LINGO2: variants seen among roughly 807,000 people sequenced by gnomAD.
LINGO2 encodes leucine-rich repeat and immunoglobulin-like domain-containing nogo receptor-interacting protein 2.
A neutral mutation model predicts 30.6 loss-of-function variants in LINGO2; 14 were observed. The observed-to-expected ratio is 0.46, with a 90% CI of 0.30 to 0.72. The LOEUF (loss-of-function observed/expected upper bound fraction) is 0.72. Ranked by LOEUF, LINGO2 falls within the 30% of genes least tolerant of loss-of-function variation. The pLI, the probability that LINGO2 is intolerant of heterozygous loss-of-function variation, is 0.07. For missense variants in LINGO2, 729 were observed against 751.7 expected (o/e 0.97, Z 0.35); for synonymous variants, 317 against 288.5 (o/e 1.10, Z -1.00).
chr9:28,249,458 T>A (rs966593464), intron 4 of LINGO2, among the ~76,000 whole-genome samples: 1 of 152,138 alleles, frequency 6.6e-6, no homozygotes, highest in Non-Finnish European at 1.5e-5. Flanking sequence ...CAACAAGAAT[T>A]ATTGAAAACG....
chr9:28,838,917 C>T, the LINGO2 span, among the ~76,000 whole-genome samples: 16 of 152,300 alleles, frequency 1.1e-4, no homozygotes, highest in South Asian at 6.2e-4. Flanking sequence ...GCAGACACAC[C>T]GGCTGTGGCA....
intron 4 of LINGO2, among the ~76,000 whole-genome samples, chr9:28,216,442 T>A (rs1820770043): frequency 6.6e-6 from 1 of 151,908 alleles, no homozygotes; most frequent in African/African-American, 2.4e-5. Context: ...GAAAAAAGAA[T>A]GTGTAGCATA....
intron 2 of LINGO2, among the ~76,000 whole-genome samples, chr9:28,411,957 A>C (rs894836137): frequency 2.6e-5 from 4 of 152,000 alleles, no homozygotes; most frequent in Non-Finnish European, 4.4e-5. Context: ...TATTGATTTC[A>C]ATAGCTTTAG....
At chr9:29,078,356 T>C in the LINGO2 span, among the ~76,000 whole-genome samples, 1 of 151,972 alleles carries the variant, frequency 6.6e-6, no homozygotes, top group Non-Finnish European at 1.5e-5. Flanking sequence ...AAAATTAGCA[T>C]CTGGAGCAGC....
At chr9:29,124,379 A>G in the LINGO2 span, among the ~76,000 whole-genome samples, 1 of 152,154 alleles carries the variant, frequency 6.6e-6, no homozygotes, top group Non-Finnish European at 1.5e-5. Context: ...GAAACACCAA[A>G]ACCAATGGCA....
chr9:28,422,402 C>A (rs186810354), intron 2 of LINGO2, among the ~76,000 whole-genome samples: 34 of 152,072 alleles, frequency 2.2e-4, no homozygotes, highest in Non-Finnish European at 3.7e-4. Flanking sequence ...AAATGGCCAA[C>A]AATCACATGA....
chr9:29,203,881 C>T, the LINGO2 span, among the ~76,000 whole-genome samples: 2 of 152,082 alleles, frequency 1.3e-5, no homozygotes, highest in Non-Finnish European at 2.9e-5. Flanking sequence ...TTATATATTG[C>T]TATGATATTA....
At chr9:28,054,315 CTT>C (rs1432175654) in intron 4 of LINGO2, among the ~76,000 whole-genome samples, 6 of 152,040 alleles carry the variant, frequency 3.9e-5, no homozygotes, top group East Asian at 1.9e-4. Flanking sequence ...TTAGATTTTT[CTT>C]TTGACTCTTG....
chr9:27,972,626 G>C (rs561202668), intron 5 of LINGO2, among the ~76,000 whole-genome samples: 6 of 152,150 alleles, frequency 3.9e-5, no homozygotes, highest in Non-Finnish European at 8.8e-5. Context: ...CCAATTTACA[G>C]ACTAAAGGGC....
the LINGO2 span, among the ~76,000 whole-genome samples, chr9:29,111,867 A>G: frequency 6.6e-6 from 1 of 150,428 alleles, no homozygotes; most frequent in Non-Finnish European, 1.5e-5. Flanking sequence ...TCATGTATAT[A>G]TGTGTGTATA....
intron 4 of LINGO2, among the ~76,000 whole-genome samples, chr9:28,049,606 T>TAAGCGG (rs1451794207): frequency 5.3e-5 from 8 of 150,740 alleles, no homozygotes; most frequent in Non-Finnish European, 7.4e-5. Context: ...TATTAGCTTA[T>TAAGCGG]TATTCAAATC....
rs570290357 is a variant in LINGO2 at position 28,038,739 on chromosome 9, T to C, written c.-86-26334A>G. Among the ~76,000 whole-genome samples, 52 of 149,958 alleles carry C rather than the reference T, an allele frequency of 3.5e-4. No homozygotes were observed. The South Asian group carries it at 0.011, about 32-fold the overall frequency. The stretch of plus-strand genomic sequence containing the variant: ...GCTTATAAAATTATAACATATGTAG[T>C]AGACCCAAGCAGTGTTGAAATCAAA... On this transcript the variant is annotated intron_variant, in intron 4 of 5. Transcript: ENST00000379992.
intron 1 of LINGO2, among the ~76,000 whole-genome samples, chr9:28,619,825 G>C (rs1391955324): frequency 2.0e-5 from 3 of 152,130 alleles, no homozygotes; most frequent in South Asian, 4.1e-4. Flanking sequence ...AGTAGTGACA[G>C]CTTATAGGGG....
chr9:28,302,317 G>C (rs1298692717), intron 3 of LINGO2, among the ~76,000 whole-genome samples: 3 of 152,174 alleles, frequency 2.0e-5, no homozygotes, highest in Non-Finnish European at 2.9e-5. Flanking sequence ...CTCAAGAACA[G>C]TGCCACTGCA....
At chr9:28,628,787 C>G (rs1487324256) in intron 1 of LINGO2, among the ~76,000 whole-genome samples, 3 of 152,038 alleles carry the variant, frequency 2.0e-5, no homozygotes, top group East Asian at 3.9e-4. Flanking sequence ...CTTCAATTAG[C>G]TTCCTCAGCA....
intron 1 of LINGO2, among the ~76,000 whole-genome samples, chr9:28,552,913 T>C (rs1822384929): frequency 6.6e-6 from 1 of 152,002 alleles, no homozygotes; most frequent in Non-Finnish European, 1.5e-5. Flanking sequence ...TGTTCTTGTT[T>C]TCGAGATGAA....
At chr9:28,333,489 G>T (rs564937047) in intron 3 of LINGO2, among the ~76,000 whole-genome samples, 1 of 152,196 alleles carries the variant, frequency 6.6e-6, no homozygotes, top group East Asian at 1.9e-4. Context: ...AGCCACAATG[G>T]TAACTTGATG....
intron 4 of LINGO2, among the ~76,000 whole-genome samples, chr9:28,021,135 A>G (rs567503317): frequency 2.6e-4 from 39 of 151,594 alleles, no homozygotes; most frequent in Admixed American, 5.3e-4. Flanking sequence ...AATTATTTAG[A>G]TGTTTTTTTC....
chr9:29,028,419 T>TC, the LINGO2 span, among the ~76,000 whole-genome samples: 4 of 64,016 alleles, frequency 6.2e-5, no homozygotes, highest in Non-Finnish European at 1.0e-4. Context: ...GGGTAGTGTG[T>TC]GGGGGGGGGT....
Sources: allele counts gnomAD v4.1 joint callset (sites outside exome capture counted in the v4.1 genomes callset), GRCh38; gene constraint gnomAD v4.1.1; transcripts MANE v1.5; gene names NCBI Gene and HGNC (gene_info 2026-07-23, HGNC 2026-07-21).